EML6: variants seen among roughly 807,000 people sequenced by gnomAD.
EML6 encodes the protein EMAP like 6, also known as echinoderm microtubule-associated protein-like 6.
EML6 carries 154 observed loss-of-function variants against 240.1 expected under a neutral mutation model. That is an observed-to-expected ratio of 0.64 (90% CI 0.56 to 0.73). The LOEUF (loss-of-function observed/expected upper bound fraction) is 0.73. EML6 is among the 30% of genes least tolerant of loss of function. The pLI is 0.00. For missense variants in EML6, 2,964 were observed against 2,474.6 expected, an observed-to-expected ratio of 1.20 and a Z score of -4.20; for synonymous variants, 1,148 against 899.0, an observed-to-expected ratio of 1.28 and a Z score of -4.95.
intron 16 of EML6, among the ~76,000 whole-genome samples, chr2:54,878,303 C>A (rs1046242645): frequency 3.9e-5 from 6 of 152,134 alleles, no homozygotes; most frequent in African/African-American, 1.4e-4. Flanking sequence ...TTATCACAGA[C>A]CTGTGTTGCT....
chr2:54,765,202 A>G (rs1214808660), intron 2 of EML6, among the ~76,000 whole-genome samples: 5 of 152,238 alleles, frequency 3.3e-5, no homozygotes, highest in African/African-American at 1.2e-4. Context: ...CTTATTGTGT[A>G]TAATTTAACA....
chr2:54,839,316 G>T (rs572018618), intron 7 of EML6, among the ~76,000 whole-genome samples: 4 of 152,318 alleles, frequency 2.6e-5, no homozygotes, highest in African/African-American at 9.6e-5. Context: ...CATGAATACA[G>T]CTTTTGACAC....
chr2:54,760,006 G>A (rs1158279397), intron 2 of EML6, among the ~76,000 whole-genome samples: 4 of 151,706 alleles, frequency 2.6e-5, no homozygotes, highest in East Asian at 1.9e-4. Context: ...TCAAGACTCC[G>A]GCTCCGATTC....
intron 17 of EML6, among the ~76,000 whole-genome samples, chr2:54,885,864 G>C (rs564921589): frequency 3.3e-5 from 5 of 152,140 alleles, no homozygotes; most frequent in Admixed American, 2.0e-4. Flanking sequence ...CCCTGCCTCG[G>C]CCTCCCAAAG....
intron 19 of EML6, among the ~76,000 whole-genome samples, chr2:54,893,042 T>A (rs13422312): frequency 6.6e-6 from 1 of 152,060 alleles, no homozygotes; most frequent in Non-Finnish European, 1.5e-5. Flanking sequence ...GTTACATTAT[T>A]GTTCCAGACG....
intron 17 of EML6, chr2:54,882,856 T>TAAAAAAAAAAAAAAAAAA (rs1452424017): frequency 1.5e-3 from 1 of 648 alleles, no homozygotes; most frequent in Admixed American, 0.031. Context: ...AGACTCCGTC[T>TAAAAAAAAAAAAAAAAAA]CAAAAAAAAA....
intron 28 of EML6, among the ~76,000 whole-genome samples, chr2:54,934,547 T>C (rs1675036116): frequency 6.6e-6 from 1 of 151,986 alleles, no homozygotes; most frequent in South Asian, 2.1e-4. Context: ...TATACATATA[T>C]ATATATTTAT....
chr2:54,898,655 C>G (rs1672897151), intron 21 of EML6, among the ~76,000 whole-genome samples: 1 of 152,196 alleles, frequency 6.6e-6, no homozygotes, highest in Non-Finnish European at 1.5e-5. Context: ...CATCCAATTT[C>G]TCTTTGGAAA....
intron 28 of EML6, among the ~76,000 whole-genome samples, chr2:54,943,284 A>G (rs758951636): frequency 6.6e-6 from 1 of 151,884 alleles, no homozygotes; most frequent in African/African-American, 2.4e-5. Context: ...CCCTTCTCCT[A>G]TTCAAGACAG....
At chr2:54,735,295 G>T (rs1225557539) in intron 2 of EML6, among the ~76,000 whole-genome samples, 1 of 152,196 alleles carries the variant, frequency 6.6e-6, no homozygotes, top group Non-Finnish European at 1.5e-5. Flanking sequence ...TTTCATGTGT[G>T]TGTCCCTGTG....
chr2:54,825,835 A>G (rs1206363438), intron 5 of EML6, among the ~76,000 whole-genome samples: 1 of 152,106 alleles, frequency 6.6e-6, no homozygotes, highest in Admixed American at 6.6e-5. Context: ...AACTACTCTG[A>G]GAGGACCATG....
intron 7 of EML6, among the ~76,000 whole-genome samples, chr2:54,834,774 A>C (rs929025232): frequency 6.6e-6 from 1 of 152,238 alleles, no homozygotes; most frequent in Non-Finnish European, 1.5e-5. Context: ...TGCCCTGCTT[A>C]GACTTGTCAC....
chr2:54,903,030 G>T lies in EML6; in HGVS notation c.3125-14G>T, dbSNP rs1229573214. On this transcript the variant is annotated splice_polypyrimidine_tract_variant and intron_variant, in intron 22 of 41. Coordinates refer to ENST00000356458, the MANE Select transcript of EML6 (RefSeq NM_001039753.4). ...GTTTTGGATAATAAGTGTTTTTTGTGGATTCTTCTGTAGGTGGAAGATGCT... is the reference window on the plus strand; with the variant it reads ...GTTTTGGATAATAAGTGTTTTTTGTTGATTCTTCTGTAGGTGGAAGATGCT... The T allele has an allele frequency of 1.3e-6, 2 of 1,543,040 alleles. No homozygotes were observed. Among genetic ancestry groups the T allele is most frequent in the African/African-American group, 1.4e-5 (1 of 72,500 alleles).
In EML6 at chr2:54,923,367, G is replaced by GCACACACACACACA. The variant is rs113101367; in HGVS notation, c.3676-4921_3676-4908dup. ...TAGATCCTAAGTGTCCTCACCAAAC[G>GCACACACACACACA]CACACACACACACACACACACACAC... On this transcript the variant is annotated intron_variant, in intron 26 of 41. Transcript: ENST00000356458. Among the ~76,000 whole-genome samples, 979 of 144,432 alleles carry GCACACACACACACA rather than the reference G, an allele frequency of 6.8e-3. 14 individuals are homozygous for GCACACACACACACA. Among genetic ancestry groups the GCACACACACACACA allele is most frequent in the Middle Eastern group, 0.014 (4 of 288 alleles). The allele number at this position is 144,432 out of a possible 152,430, so 94.8% of individuals were successfully genotyped here. A position where few individuals can be genotyped will look rare whatever the true frequency, so the allele number is the denominator to read the frequency against.
At chr2:54,797,477 G>T (rs1669883293) in intron 2 of EML6, among the ~76,000 whole-genome samples, 1 of 152,154 alleles carries the variant, frequency 6.6e-6, no homozygotes, top group South Asian at 2.1e-4. Context: ...GTATATATCG[G>T]ATGGAGGGTT....
intron 16 of EML6, among the ~76,000 whole-genome samples, chr2:54,879,064 A>G (rs1245476407): frequency 6.6e-6 from 1 of 152,234 alleles, no homozygotes; most frequent in African/African-American, 2.4e-5. Context: ...TAATGTTCCT[A>G]ATTTGGAGAA....
At chr2:54,806,612 CAAAAAAAAAAAAAA>C (rs58185994) in intron 2 of EML6, among the ~76,000 whole-genome samples, 46 of 52,858 alleles carry the variant, frequency 8.7e-4, no homozygotes, top group South Asian at 2.5e-3. Flanking sequence ...ACTCCGTCTC[CAAAAAAAAAAAAAA>C]AAAAAAAAAA....
chr2:54,729,360 G>A (rs748791267), intron 2 of EML6, among the ~76,000 whole-genome samples: 45 of 152,190 alleles, frequency 3.0e-4, no homozygotes, highest in Non-Finnish European at 1.2e-4. Context: ...ATCATTTAGG[G>A]CTATCGTTTC....
rs574998128 is a variant in EML6, at chr2:54,740,209, A to T, written c.197+14951A>T. On this transcript the variant is annotated intron_variant, in intron 2 of 41. Coordinates refer to ENST00000356458, the MANE Select transcript of EML6 (RefSeq NM_001039753.4). ...CAGTGTATGTGTAGGAGTGGGTGAG[A>T]TACCCAGAGAAGGTAGGGAGGAAAG... 2.0e-5 allele frequency among the ~76,000 whole-genome samples: 3 copies of T among 152,222 alleles called. No homozygotes were observed. In the South Asian group the frequency reaches 6.2e-4, roughly 32 times the overall value.
Sources: allele counts gnomAD v4.1 joint callset (sites outside exome capture counted in the v4.1 genomes callset), GRCh38; gene constraint gnomAD v4.1.1; transcripts MANE v1.5; gene names NCBI Gene and HGNC (gene_info 2026-07-23, HGNC 2026-07-21).